The following SLC18A1 variants were observed in gnomAD, a reference collection of about 807,000 sequenced individuals.
SLC18A1 encodes the protein solute carrier family 18 member A1, also known as chromaffin granule amine transporter.
In SLC18A1, 69 loss-of-function variants were observed where a neutral mutation model predicts 53.7. The observed-to-expected ratio is 1.28, with a 90% confidence interval of 1.06 to 1.57. The LOEUF (loss-of-function observed/expected upper bound fraction) is 1.57, where lower values mean the gene tolerates loss of function less well. Ranked by LOEUF, SLC18A1 falls within the 40% of genes most tolerant of loss-of-function variation. The pLI is 0.00. For synonymous variants in SLC18A1, 320 were observed against 248.1 expected (o/e 1.29, Z -2.72); for missense variants, 932 against 668.1 (o/e 1.40, Z -4.35).
At chr8:20,181,516 G>A (rs781655528) in intron 1 of SLC18A1, among the ~76,000 whole-genome samples, 1 of 152,116 alleles carries the variant, frequency 6.6e-6, no homozygotes, top group Non-Finnish European at 1.5e-5. Flanking sequence ...GGAGGCTGAG[G>A]TGGGAGGATA....
intron 3 of SLC18A1, 27 bp downstream of exon 3, chr8:20,179,094 T>C (rs758399721): frequency 1.3e-6 from 2 of 1,594,066 alleles, no homozygotes; most frequent in Non-Finnish European, 1.7e-6. Context: ...CTGTGTACCC[T>C]GCGGGGCACT....
intron 6 of SLC18A1, among the ~76,000 whole-genome samples, chr8:20,172,622 T>C (rs879887073): frequency 2.0e-5 from 3 of 152,178 alleles, no homozygotes; most frequent in Non-Finnish European, 2.9e-5. Flanking sequence ...TGATGTTGGA[T>C]GGTGTTTTCG....
intron 4 of SLC18A1, among the ~76,000 whole-genome samples, chr8:20,177,541 T>C (rs992591153): frequency 6.6e-6 from 1 of 152,054 alleles, no homozygotes; most frequent in Admixed American, 6.5e-5. Flanking sequence ...CTAATGTAAA[T>C]GATGAGTTAA....
intron 10 of SLC18A1, among the ~76,000 whole-genome samples, chr8:20,161,908 T>A (rs1419502267): frequency 6.6e-6 from 1 of 152,172 alleles, no homozygotes; most frequent in Non-Finnish European, 1.5e-5. Flanking sequence ...CAGGCCACCA[T>A]GCTGGTGCCC....
chr8:20,147,598 CA>C lies in SLC18A1; in HGVS notation c.1330+4del, dbSNP rs1563717471. On this transcript the variant is annotated splice_donor_region_variant and intron_variant, in intron 14 of 15. Transcript: ENST00000276373. ...AAAGTGGGGCACCAGGTCCTGCCAA[CA>C]TACCTATAGCAAAGCCCATGCAAAA... 1 of 1,614,104 alleles carries C rather than the reference CA, an allele frequency of 6.2e-7. No homozygotes were observed. The highest frequency in any genetic ancestry group is 1.1e-5 in the South Asian group (1 of 91,074).
At position 20,147,700 on chromosome 8, in the gene SLC18A1, C is replaced by G. The variant is rs747165063; in HGVS notation, c.1233G>C (p.Met411Ile). The G allele has an allele frequency of 2.5e-6, 4 of 1,613,542 alleles. No homozygotes were observed. In the African/African-American group the frequency reaches 5.3e-5, roughly 22 times the overall value. Reference sequence around the variant, plus strand: ...GATCCACCAGGTGCCCCATGATGGGCATCATAGAAGAATCCACCATGCCTG... The same window carrying G: ...GATCCACCAGGTGCCCCATGATGGGGATCATAGAAGAATCCACCATGCCTG... ...LAIGMVDSSMMPIMGHLVDLR... is the reference protein window; with the variant it reads ...LAIGMVDSSMIPIMGHLVDLR... Residue 411 changes from methionine to isoleucine, a missense_variant, in exon 14 of 16, where the codon ATG (methionine) becomes ATC (isoleucine). Transcript: ENST00000276373.
intron 2 of SLC18A1, 109 bp from the exon 3 acceptor site, chr8:20,179,593 C>G: frequency 7.2e-7 from 1 of 1,391,706 alleles, no homozygotes; most frequent in Non-Finnish European, 9.8e-7. Context: ...TCAAGGAGGA[C>G]AGGTGATGGG....
Position 20,170,956 on chromosome 8 carries a change from A to G in SLC18A1, c.858+147T>C, listed in dbSNP as rs1469817076. The G allele has an allele frequency of 4.0e-6, 3 of 741,484 alleles. No individual in the cohort carries two copies. In the Admixed American group the frequency reaches 7.8e-5, roughly 19 times the overall value. 45.9% of individuals were successfully genotyped at this position (741,484 alleles called of 1,614,324 possible). A position where few individuals can be genotyped will look rare whatever the true frequency, so the allele number is the denominator to read the frequency against. On this transcript the variant is annotated intron_variant, in intron 8 of 15. Transcript: ENST00000276373. ...TATCCCCCACACTACCTGAAACGTA[A>G]CCCTATCCTGGAATCCAAACACAGT...
chr8:20,178,556 AT>A (rs1296603216), intron 3 of SLC18A1, 63 bp from the exon 4 acceptor site: 10 of 1,239,328 alleles, frequency 8.1e-6, no homozygotes, highest in Non-Finnish European at 1.2e-5. Flanking sequence ...CATGGACTAC[AT>A]TTTTAAATGT....
At chr8:20,156,318 TAA>T (rs35434077) in intron 10 of SLC18A1, among the ~76,000 whole-genome samples, 6 of 144,084 alleles carry the variant, frequency 4.2e-5, no homozygotes, top group Admixed American at 6.9e-5. Flanking sequence ...GCTAGTCTGT[TAA>T]AAAAAAAAAA....
chr8:20,157,008 T>C (rs993771629), intron 10 of SLC18A1, among the ~76,000 whole-genome samples: 2 of 152,072 alleles, frequency 1.3e-5, no homozygotes, highest in African/African-American at 4.8e-5. Flanking sequence ...CCTTTCTTTG[T>C]GGTCAAGAAA....
chr8:20,157,208 G>A (rs375571194), intron 10 of SLC18A1, among the ~76,000 whole-genome samples: 19 of 152,206 alleles, frequency 1.2e-4, no homozygotes, highest in African/African-American at 4.1e-4. Context: ...GATGGGAAAC[G>A]TTTTCCCCAA....
At chr8:20,147,958 CAAAGCCAACATGCAGG>C (rs1340745792) in intron 13 of SLC18A1, 33 bp downstream of exon 13, 1 of 1,595,716 alleles carries the variant, frequency 6.3e-7, no homozygotes, top group Non-Finnish European at 8.6e-7. Flanking sequence ...GCATCAGACC[CAAAGCCAACATGCAGG>C]GGCTTATTGT....
intron 12 of SLC18A1, among the ~76,000 whole-genome samples, 153 bp downstream of exon 12, chr8:20,149,523 G>GCCAT (rs2071490660): frequency 6.6e-6 from 1 of 151,634 alleles, no homozygotes; most frequent in Non-Finnish European, 1.5e-5. Flanking sequence ...TCCTTGCCAA[G>GCCAT]CCATCTCTGC....
chr8:20,171,142 G>A lies in SLC18A1; in HGVS notation c.819C>T (p.Leu273=). The change falls in exon 8 of 16, where the codon CTC becomes CTT. Residue 273 remains leucine, a synonymous_variant. Coordinates refer to ENST00000276373, the MANE Select transcript of SLC18A1 (RefSeq NM_003053.4). Reference sequence around the variant, plus strand: ...TGGAAGGCTGTAGGATGCAAAGCTGGAGTGCTAAGAAACAAAGAAGGTGAG... The same window carrying A: ...TGGAAGGCTGTAGGATGCAAAGCTGAAGTGCTAAGAAACAAAGAAGGTGAG... The part of the protein sequence containing the change: ...LAFLALLDGA[L]QLCILQPSKV... 3.1e-6 allele frequency: 5 copies of A among 1,614,204 alleles called. No individual in the cohort carries two copies. The highest frequency in any genetic ancestry group is 1.3e-5 in the African/African-American group (1 of 75,068).
In SLC18A1 at chr8:20,180,892, C is replaced by G. The variant is rs988031214; in HGVS notation, c.73G>C (p.Val25Leu). 2 of 1,613,868 alleles carry G rather than the reference C, an allele frequency of 1.2e-6. No individual in the cohort carries two copies. The highest frequency in any genetic ancestry group is 1.7e-6 in the Non-Finnish European group (2 of 1,179,882). The part of the protein sequence containing the change: ...EGRASRQLVL[V>L]VVFVALLLDN... Reference sequence around the variant, plus strand: ...AGGAGCAAAGCGACGAATACCACCACCAGCACCAGCTGCCGGGACGCTCTC... The same window carrying G: ...AGGAGCAAAGCGACGAATACCACCAGCAGCACCAGCTGCCGGGACGCTCTC... Residue 25 changes from valine (V) to leucine (L), a missense_variant, in exon 2 of 16, where the codon GTG (valine) becomes CTG (leucine). Transcript: ENST00000276373.
chr8:20,182,511 C>G (rs1257309956), intron 1 of SLC18A1, among the ~76,000 whole-genome samples: 1 of 152,210 alleles, frequency 6.6e-6, no homozygotes, highest in Non-Finnish European at 1.5e-5. Flanking sequence ...TATTTATAAT[C>G]AATGACTTCA....
chr8:20,181,190 T>C (rs952942711), intron 1 of SLC18A1, 103 bp from the exon 2 acceptor site: 6 of 372,214 alleles, frequency 1.6e-5, no homozygotes, highest in African/African-American at 4.2e-5. Flanking sequence ...TCAATAACTC[T>C]ACCTGGTTCC....
At position 20,144,937 on chromosome 8, in the gene SLC18A1, G is replaced by A. The variant is rs560287664; in HGVS notation, c.*826C>T. On this transcript the variant is annotated 3_prime_UTR_variant, in exon 16 of 16. Coordinates refer to ENST00000276373, the MANE Select transcript of SLC18A1 (RefSeq NM_003053.4). ...CCTGTTAGGAAATCTACAATCAGGA[G>A]GGATTTCAAGGCAGTTTCTTTTAAC... 2 of 152,074 alleles carry A rather than the reference G, an allele frequency of 1.3e-5. No homozygotes were observed. Among genetic ancestry groups the A allele is most frequent in the Non-Finnish European group, 2.9e-5 (2 of 68,010 alleles). The allele number at this position is 152,074 out of a possible 1,614,324, so 9.4% of individuals were successfully genotyped here.
Sources: allele counts gnomAD v4.1 joint callset (sites outside exome capture counted in the v4.1 genomes callset), GRCh38; gene constraint gnomAD v4.1.1; transcripts MANE v1.5; gene names NCBI Gene and HGNC (gene_info 2026-07-23, HGNC 2026-07-21).